RHOA: variants seen among roughly 807,000 people sequenced by gnomAD.
RHOA encodes transforming protein RhoA.
Under a neutral mutation model 17.5 loss-of-function variants are expected in RHOA, and 3 were observed. That is an observed-to-expected ratio of 0.17 (90% CI 0.08 to 0.44). RHOA has a LOEUF of 0.44. Ranked by LOEUF, RHOA falls within the 20% of genes least tolerant of loss-of-function variation. The pLI, the probability that RHOA is intolerant of heterozygous loss-of-function variation, is 0.99. For missense variants in RHOA, 56 were observed against 242.3 expected, an observed-to-expected ratio of 0.23 and a Z score of 5.10; for synonymous variants, 98 against 88.4, an observed-to-expected ratio of 1.11 and a Z score of -0.61.
intron 2 of RHOA, among the ~76,000 whole-genome samples, chr3:49,370,446 C>A (rs996853193): frequency 3.3e-5 from 5 of 152,052 alleles, no homozygotes; most frequent in African/African-American, 4.8e-5. Flanking sequence ...GAGGAAGATA[C>A]AAGACTAAGT....
chr3:49,392,641 T>C (rs1230599398), intron 1 of RHOA, among the ~76,000 whole-genome samples: 2 of 152,092 alleles, frequency 1.3e-5, no homozygotes, highest in African/African-American at 4.8e-5. Flanking sequence ...ACTACTGCAC[T>C]TGGCCTAAAA....
At chr3:49,375,207 C>A (rs2048206896) in intron 2 of RHOA, among the ~76,000 whole-genome samples, 1 of 151,898 alleles carries the variant, frequency 6.6e-6, no homozygotes. Context: ...TTGCAGTGAG[C>A]CAAGACCGAG....
At chr3:49,371,597 G>A (rs900804648) in intron 2 of RHOA, among the ~76,000 whole-genome samples, 1 of 152,060 alleles carries the variant, frequency 6.6e-6, no homozygotes, top group Non-Finnish European at 1.5e-5. Flanking sequence ...ATTGCATACT[G>A]TTAAATGAAT....
At chr3:49,409,163 G>C (rs2048891016) in intron 1 of RHOA, among the ~76,000 whole-genome samples, 1 of 151,934 alleles carries the variant, frequency 6.6e-6, no homozygotes, top group African/African-American at 2.4e-5. Context: ...GGGAGGCCAA[G>C]GCAGGCGGAT....
chr3:49,364,311 C>A (rs1175998442), intron 3 of RHOA, among the ~76,000 whole-genome samples: 1 of 152,036 alleles, frequency 6.6e-6, no homozygotes, highest in Non-Finnish European at 1.5e-5. Context: ...CATGGAGAAA[C>A]CCCGTCTCTA....
Position 49,405,519 on chromosome 3 carries a change from C to T in RHOA, c.-3+6301G>A, listed in dbSNP as rs575551454. On this transcript the variant is annotated intron_variant, in intron 1 of 4. Transcript: ENST00000418115. The stretch of plus-strand genomic sequence containing the variant: ...CTTCTCTCTCACTGAAATCTCATGG[C>T]GCTTCCTTACCATTCCCTTTCTACA... Among the ~76,000 whole-genome samples the T allele has an allele frequency of 6.4e-4, 97 of 152,228 alleles. 1 individual carries two copies. The highest frequency in any genetic ancestry group is 3.4e-3 in the Middle Eastern group (1 of 294).
In RHOA at chr3:49,409,187, G is replaced by C. The variant is rs572057284; in HGVS notation, c.-3+2633C>G. On this transcript the variant is annotated intron_variant, in intron 1 of 4. Transcript: ENST00000418115. ...AGGCAGGCGGATCACCTGAGGTCAG[G>C]AGTTCAAGACCAGCCTGGCCAACAC... Among the ~76,000 whole-genome samples the C allele has an allele frequency of 2.6e-5, 4 of 151,682 alleles. No homozygotes were observed. The South Asian group carries it at 6.3e-4, about 24-fold the overall frequency.
intron 1 of RHOA, among the ~76,000 whole-genome samples, chr3:49,388,184 A>C (rs979604284): frequency 6.6e-6 from 1 of 150,650 alleles, no homozygotes; most frequent in African/African-American, 2.4e-5. Context: ...ATTTTTTTCT[A>C]TTTGTGTGGG....
chr3:49,362,118 C>T (rs1254191885), intron 4 of RHOA, among the ~76,000 whole-genome samples: 2 of 151,252 alleles, frequency 1.3e-5, no homozygotes, highest in African/African-American at 2.4e-5. Flanking sequence ...ACCCCGGAGG[C>T]GGAGGTTGCA....
chr3:49,387,147 A>C (rs1164484556), intron 1 of RHOA, among the ~76,000 whole-genome samples: 29 of 112,038 alleles, frequency 2.6e-4, no homozygotes, highest in Admixed American at 4.1e-4. Context: ...AAAAAAAAAA[A>C]AAAAAAAAAA....
rs61319654 is a variant in RHOA at position 49,379,454 on chromosome 3, G to GTGATGGC, written c.-2-3870_-2-3864dup. Reference sequence around the variant, plus strand: ...AAAAGATTTTTCCAAAATTATTGTGGTGATGGCTGCACAACTCTATGAATA... The same window carrying GTGATGGC: ...AAAAGATTTTTCCAAAATTATTGTGGTGATGGCTGATGGCTGCACAACTCTATGAATA... On this transcript the variant is annotated intron_variant, in intron 1 of 4. Coordinates refer to ENST00000418115, the MANE Select transcript of RHOA (RefSeq NM_001664.4). Among the ~76,000 whole-genome samples, 8 of 152,194 alleles carry GTGATGGC rather than the reference G, an allele frequency of 5.3e-5. No individual in the cohort carries two copies. In the East Asian group the frequency reaches 1.5e-3, roughly 29 times the overall value.
intron 1 of RHOA, among the ~76,000 whole-genome samples, chr3:49,391,785 A>G (rs1444123354): frequency 1.3e-5 from 2 of 150,246 alleles, no homozygotes; most frequent in African/African-American, 2.5e-5. Context: ...TGCTGGGATT[A>G]CAGGCGTGAG....
At chr3:49,365,930 C>A (rs2048047978) in intron 3 of RHOA, among the ~76,000 whole-genome samples, 1 of 152,078 alleles carries the variant, frequency 6.6e-6, no homozygotes, top group South Asian at 2.1e-4. Context: ...CAGTGTGTGC[C>A]TGTAGTACCA....
chr3:49,363,517 C>T (rs1263347241), intron 3 of RHOA, among the ~76,000 whole-genome samples: 2 of 152,022 alleles, frequency 1.3e-5, no homozygotes, highest in Non-Finnish European at 2.9e-5. Context: ...AAGTAGACAG[C>T]TTGGGCCTAG....
chr3:49,372,335 G>C (rs1050912725), intron 2 of RHOA, among the ~76,000 whole-genome samples: 1 of 152,136 alleles, frequency 6.6e-6, no homozygotes, highest in African/African-American at 2.4e-5. Flanking sequence ...AATTCTGTTA[G>C]GCTGGTATTT....
chr3:49,396,845 T>G (rs1222464062), intron 1 of RHOA, among the ~76,000 whole-genome samples: 3 of 151,526 alleles, frequency 2.0e-5, no homozygotes, highest in Non-Finnish European at 4.4e-5. Context: ...TTTAAAGTAG[T>G]CAGCCTGGGC....
At chr3:49,374,529 G>A (rs987801385) in intron 2 of RHOA, among the ~76,000 whole-genome samples, 4 of 152,038 alleles carry the variant, frequency 2.6e-5, no homozygotes, top group Admixed American at 2.6e-4. Flanking sequence ...GACCAGCCTG[G>A]CCAACATGGC....
Position 49,372,606 on chromosome 3 carries a change from C to A in RHOA, c.156+2828G>T, listed in dbSNP as rs531744536. On this transcript the variant is annotated intron_variant, in intron 2 of 4. Transcript: ENST00000418115. ...AAAACTAGCCAGGCGTGGTGGCGGG[C>A]GCCTGTAGTCCCGGCTACTCCGGAG... Among the ~76,000 whole-genome samples, 108 of 152,052 alleles carry A rather than the reference C, an allele frequency of 7.1e-4. 1 individual carries two copies. The South Asian group carries it at 9.3e-3, about 13-fold the overall frequency.
intron 1 of RHOA, among the ~76,000 whole-genome samples, chr3:49,396,578 A>G (rs2048619884): frequency 6.6e-6 from 1 of 152,030 alleles, no homozygotes; most frequent in African/African-American, 2.4e-5. Context: ...ATGATGGCAC[A>G]CGTCTGTAAT....
Sources: allele counts gnomAD v4.1 joint callset (sites outside exome capture counted in the v4.1 genomes callset), GRCh38; gene constraint gnomAD v4.1.1; transcripts MANE v1.5; gene names NCBI Gene and HGNC (gene_info 2026-07-23, HGNC 2026-07-21).